Variants in TMEM132B observed in about 807,000 individuals in gnomAD.
The protein encoded by TMEM132B is transmembrane protein 132B.
A neutral mutation model predicts 90.8 loss-of-function variants in TMEM132B; 18 were observed. The observed-to-expected ratio is 0.20, with a 90% CI of 0.14 to 0.29. The LOEUF is 0.29. TMEM132B is among the 10% of genes least tolerant of loss of function. The pLI is 1.00. For synonymous variants in TMEM132B, 504 were observed against 523.3 expected, an observed-to-expected ratio of 0.96 and a Z score of 0.50; for missense variants, 1,096 against 1,326.8, an observed-to-expected ratio of 0.83 and a Z score of 2.70.
At chr12:125,614,075 A>C (rs889172809) in intron 5 of TMEM132B, among the ~76,000 whole-genome samples, 5 of 152,190 alleles carry the variant, frequency 3.3e-5, no homozygotes, top group Admixed American at 3.3e-4. Flanking sequence ...AAAGAAATAT[A>C]CTTTCATACT....
At chr12:125,276,076 G>A (rs1250574704) in intron 1 of TMEM132B, among the ~76,000 whole-genome samples, 1 of 152,304 alleles carries the variant, frequency 6.6e-6, no homozygotes, top group South Asian at 2.1e-4. Flanking sequence ...GTATCCATGG[G>A]TGTTTGACTC....
intron 1 of TMEM132B, among the ~76,000 whole-genome samples, chr12:125,252,393 G>A (rs899991175): frequency 3.9e-5 from 6 of 152,174 alleles, no homozygotes; most frequent in South Asian, 2.1e-4. Context: ...GTCTGTTCCA[G>A]CCTCCCACGG....
intron 2 of TMEM132B, among the ~76,000 whole-genome samples, chr12:125,365,073 C>T (rs1015387976): frequency 3.3e-5 from 5 of 151,622 alleles, no homozygotes; most frequent in Non-Finnish European, 7.4e-5. Flanking sequence ...GGGGTTACCA[C>T]TTTATTATTT....
chr12:125,626,248 TA>T (rs1886228598), intron 5 of TMEM132B, among the ~76,000 whole-genome samples: 1 of 152,194 alleles, frequency 6.6e-6, no homozygotes, highest in Non-Finnish European at 1.5e-5. Flanking sequence ...TTCACCAGTT[TA>T]AGTATCACAT....
intron 1 of TMEM132B, among the ~76,000 whole-genome samples, chr12:125,311,161 A>G (rs1316043662): frequency 6.6e-6 from 1 of 152,090 alleles, no homozygotes; most frequent in African/African-American, 2.4e-5. Flanking sequence ...TGGCCCTTTA[A>G]AGGGAGATTC....
At chr12:125,529,420 G>C (rs1883586310) in intron 4 of TMEM132B, among the ~76,000 whole-genome samples, 1 of 152,114 alleles carries the variant, frequency 6.6e-6, no homozygotes, top group South Asian at 2.1e-4. Flanking sequence ...GTACCCAGGA[G>C]GCCTTTTATT....
At chr12:125,551,889 A>C (rs1268902519) in intron 4 of TMEM132B, among the ~76,000 whole-genome samples, 1 of 152,154 alleles carries the variant, frequency 6.6e-6, no homozygotes, top group Non-Finnish European at 1.5e-5. Context: ...GTGGCAACAC[A>C]GGAGGAGGAG....
At chr12:125,368,809 AT>A (rs11404006) in intron 2 of TMEM132B, among the ~76,000 whole-genome samples, 5 of 151,488 alleles carry the variant, frequency 3.3e-5, no homozygotes, top group Admixed American at 3.3e-4. Flanking sequence ...TGGAAATACA[AT>A]TTTTTTTTAC....
intron 5 of TMEM132B, among the ~76,000 whole-genome samples, chr12:125,610,064 T>C (rs1885789870): frequency 6.6e-6 from 1 of 152,036 alleles, no homozygotes; most frequent in African/African-American, 2.4e-5. Flanking sequence ...GAAATACTAT[T>C]TATATTTGTA....
chr12:125,591,557 G>A (rs151125344), intron 5 of TMEM132B, among the ~76,000 whole-genome samples: 2 of 152,132 alleles, frequency 1.3e-5, no homozygotes, highest in South Asian at 2.1e-4. Context: ...TTTTGACAAA[G>A]GTATTAGTTT....
chr12:125,331,414 G>T (rs994774210), intron 1 of TMEM132B, among the ~76,000 whole-genome samples: 7 of 152,362 alleles, frequency 4.6e-5, no homozygotes, highest in African/African-American at 1.7e-4. Context: ...TCTGTGTGAA[G>T]GGGAGGTGCT....
intron 1 of TMEM132B, among the ~76,000 whole-genome samples, chr12:125,202,682 CAGTT>C (rs1873090389): frequency 6.6e-6 from 1 of 152,208 alleles, no homozygotes; most frequent in South Asian, 2.1e-4. Context: ...GCCATTCTAT[CAGTT>C]AGAGGGAAGT....
At chr12:125,321,286 A>G (rs1394405402) in intron 1 of TMEM132B, among the ~76,000 whole-genome samples, 1 of 152,194 alleles carries the variant, frequency 6.6e-6, no homozygotes, top group Non-Finnish European at 1.5e-5. Flanking sequence ...GAAGACAGAA[A>G]ATATCCCCAA....
chr12:125,433,212 C>T (rs1428679923), intron 3 of TMEM132B, among the ~76,000 whole-genome samples: 4 of 152,150 alleles, frequency 2.6e-5, no homozygotes, highest in African/African-American at 7.2e-5. Flanking sequence ...GACCTGGCCA[C>T]AGAGATCACC....
chr12:125,661,275 T>C lies in TMEM132B; in HGVS notation c.*6565T>C, dbSNP rs1159932176. ...TCCATCATAACCGCTTTAGGATCTC[T>C]GTTTTATCCATGTATTTCCCACATA... On this transcript the variant is annotated 3_prime_UTR_variant, in exon 9 of 9. Transcript: ENST00000682704. The C allele has an allele frequency of 1.3e-5, 2 of 152,254 alleles. No homozygotes were observed. Among genetic ancestry groups the C allele is most frequent in the African/African-American group, 4.8e-5 (2 of 41,464 alleles). The allele number at this position is 152,254 out of a possible 1,614,324, so 9.4% of individuals were successfully genotyped here.
At chr12:125,352,835 G>A (rs12317885) in intron 2 of TMEM132B, among the ~76,000 whole-genome samples, 10,424 of 152,158 alleles carry the variant, frequency 0.069, 1,163 homozygotes, top group African/African-American at 0.23. Context: ...ACAGGATTCC[G>A]AGGCTCTGGC....
At chr12:125,514,338 A>G (rs962882910) in intron 3 of TMEM132B, among the ~76,000 whole-genome samples, 3 of 152,208 alleles carry the variant, frequency 2.0e-5, no homozygotes, top group Non-Finnish European at 4.4e-5. Context: ...GCAGTAGTAC[A>G]GGCACGTCTG....
intron 3 of TMEM132B, among the ~76,000 whole-genome samples, chr12:125,444,664 G>A (rs534703222): frequency 6.6e-6 from 1 of 152,308 alleles, no homozygotes; most frequent in East Asian, 1.9e-4. Context: ...TCTTGAGATG[G>A]TCGGTTTTAT....
chr12:125,369,790 C>T (rs1005536710), intron 2 of TMEM132B, among the ~76,000 whole-genome samples: 19 of 152,170 alleles, frequency 1.2e-4, no homozygotes, highest in Admixed American at 6.5e-4. Flanking sequence ...TGGCTTATGC[C>T]AGTAATCCCA....
Sources: gnomAD v4.1 joint callset for allele counts (sites outside exome capture counted in the v4.1 genomes callset) on GRCh38, gnomAD v4.1.1 for gene constraint, MANE v1.5 for transcripts, NCBI Gene and HGNC (gene_info 2026-07-23, HGNC 2026-07-21) for gene names.